FHIT: variants seen among roughly 807,000 people sequenced by gnomAD.
FHIT encodes the protein bis(5'-adenosyl)-triphosphatase.
A neutral mutation model predicts 17.9 loss-of-function variants in FHIT; 19 were observed. The observed-to-expected ratio is 1.06, with a 90% confidence interval of 0.74 to 1.56. The LOEUF (loss-of-function observed/expected upper bound fraction) is 1.56, where lower values mean the gene tolerates loss of function less well. Ranked by LOEUF, FHIT falls within the 40% of genes most tolerant of loss-of-function variation. The pLI, the probability that FHIT is intolerant of heterozygous loss-of-function variation, is 0.00. For missense variants in FHIT, 248 were observed against 189.2 expected, an observed-to-expected ratio of 1.31 and a Z score of -1.82; for synonymous variants, 81 against 69.7, an observed-to-expected ratio of 1.16 and a Z score of -0.81.
chr3:60,142,282 T>G (rs1700069968), intron 5 of FHIT, among the ~76,000 whole-genome samples: 1 of 152,158 alleles, frequency 6.6e-6, no homozygotes, highest in South Asian at 2.1e-4. Context: ...CTCATAAGGT[T>G]GCTGTGGGAA....
intron 5 of FHIT, among the ~76,000 whole-genome samples, chr3:60,379,351 T>C (rs1387037150): frequency 1.3e-5 from 2 of 152,088 alleles, no homozygotes; most frequent in Non-Finnish European, 2.9e-5. Context: ...CCCCAAAATA[T>C]TGCTTTCAGT....
At chr3:59,852,010 C>T (rs778597412) in intron 8 of FHIT, among the ~76,000 whole-genome samples, 1 of 152,162 alleles carries the variant, frequency 6.6e-6, no homozygotes, top group Non-Finnish European at 1.5e-5. Context: ...ATAAGATTCA[C>T]CCAGTCGGGG....
chr3:60,446,532 C>T (rs1332753404), intron 5 of FHIT, among the ~76,000 whole-genome samples: 4 of 152,034 alleles, frequency 2.6e-5, no homozygotes, highest in African/African-American at 7.2e-5. Context: ...CGTGGATGTG[C>T]AACTCTACTT....
intron 5 of FHIT, among the ~76,000 whole-genome samples, chr3:60,308,081 A>C (rs1274745291): frequency 6.6e-6 from 1 of 152,186 alleles, no homozygotes; most frequent in African/African-American, 2.4e-5. Flanking sequence ...ATCGTGCTGC[A>C]CAGCAGCAAT....
chr3:60,852,280 T>A (rs2106917677), intron 3 of FHIT, among the ~76,000 whole-genome samples: 1 of 152,218 alleles, frequency 6.6e-6, no homozygotes, highest in Non-Finnish European at 1.5e-5. Context: ...GGACAGAAAC[T>A]ACACCATTGG....
At chr3:60,768,804 T>C (rs1353002717) in intron 4 of FHIT, among the ~76,000 whole-genome samples, 1 of 152,196 alleles carries the variant, frequency 6.6e-6, no homozygotes, top group Non-Finnish European at 1.5e-5. Context: ...ATTCTCTGTA[T>C]AGAGGAAAAT....
intron 5 of FHIT, among the ~76,000 whole-genome samples, chr3:60,146,673 G>T (rs777207364): frequency 6.6e-6 from 1 of 152,140 alleles, no homozygotes; most frequent in African/African-American, 2.4e-5. Flanking sequence ...CTGAAATGGG[G>T]TAAGTGTAGC....
At chr3:61,220,151 A>G (rs1426128449) in intron 1 of FHIT, among the ~76,000 whole-genome samples, 1 of 152,218 alleles carries the variant, frequency 6.6e-6, no homozygotes, top group African/African-American at 2.4e-5. Context: ...CCTCGTTTTC[A>G]TTTTTATGCT....
chr3:60,129,382 A>G (rs1287718295), intron 5 of FHIT, among the ~76,000 whole-genome samples: 1 of 152,050 alleles, frequency 6.6e-6, no homozygotes, highest in Non-Finnish European at 1.5e-5. Context: ...TTACATTTCT[A>G]CATCTGCTTC....
chr3:60,910,288 C>G lies in FHIT; in HGVS notation c.-110-88277G>C, dbSNP rs1048565786. Among the ~76,000 whole-genome samples the G allele has an allele frequency of 5.3e-5, 8 of 152,186 alleles. No homozygotes were observed. In the South Asian group the frequency reaches 8.3e-4, roughly 16 times the overall value. On this transcript the variant is annotated intron_variant, in intron 3 of 9. Transcript: ENST00000492590. ...CTTAGAGATATTTCTTCCCCCACCA[C>G]AAAGACTGTGACTGAAGAAAAGATG...
chr3:59,758,960 G>A (rs996278472), intron 8 of FHIT, among the ~76,000 whole-genome samples: 1 of 151,974 alleles, frequency 6.6e-6, no homozygotes, highest in African/African-American at 2.4e-5. Context: ...ATGCATGGGA[G>A]TCAAAATAAT....
At chr3:60,698,869 GA>G (rs1445361748) in intron 4 of FHIT, among the ~76,000 whole-genome samples, 2 of 152,024 alleles carry the variant, frequency 1.3e-5, no homozygotes, top group Non-Finnish European at 2.9e-5. Context: ...AAAAAATACA[GA>G]AATATAAAAA....
intron 4 of FHIT, among the ~76,000 whole-genome samples, chr3:60,701,065 A>C (rs2041233747): frequency 2.0e-5 from 3 of 151,310 alleles, no homozygotes; most frequent in Non-Finnish European, 2.9e-5. Context: ...TGAAAAGCCA[A>C]TTTTCATAGC....
chr3:60,861,155 A>AT lies in FHIT; in HGVS notation c.-110-39145_-110-39144insA, dbSNP rs1435631257. ...TGATATATGTATATATGATCTATAT[A>AT]CATATATATCATATGTTCTATGATA... On this transcript the variant is annotated intron_variant, in intron 3 of 9. Transcript: ENST00000492590. Among the ~76,000 whole-genome samples, 11 of 9,088 alleles carry AT rather than the reference A, an allele frequency of 1.2e-3. 1 individual carries two copies. The highest frequency in any genetic ancestry group is 4.6e-3 in the African/African-American group (11 of 2,390). 6.0% of individuals were successfully genotyped at this position (9,088 alleles called of 152,430 possible). A position where few individuals can be genotyped will look rare whatever the true frequency, so the allele number is the denominator to read the frequency against.
At chr3:61,121,988 C>T (rs1367417782) in intron 2 of FHIT, among the ~76,000 whole-genome samples, 3 of 152,088 alleles carry the variant, frequency 2.0e-5, no homozygotes, top group Admixed American at 6.6e-5. Context: ...CAAAGAAGGG[C>T]ATTACATAAT....
intron 3 of FHIT, among the ~76,000 whole-genome samples, chr3:60,975,238 C>T (rs2107538530): frequency 6.6e-6 from 1 of 152,152 alleles, no homozygotes; most frequent in Admixed American, 6.5e-5. Context: ...CTTTATGCAC[C>T]TAATTTCTGA....
At chr3:59,963,488 G>C (rs1163226829) in intron 7 of FHIT, among the ~76,000 whole-genome samples, 1 of 151,990 alleles carries the variant, frequency 6.6e-6, no homozygotes, top group Non-Finnish European at 1.5e-5. Context: ...GAGAGAGAGA[G>C]AGACAGAAAG....
Position 60,841,873 on chromosome 3 carries a change from T to A in FHIT, c.-110-19862A>T, listed in dbSNP as rs183717045. On this transcript the variant is annotated intron_variant, in intron 3 of 9. Coordinates refer to ENST00000492590, the MANE Select transcript of FHIT (RefSeq NM_002012.4). ...AAGGCTACTAAATATTAAAAAAAAA[T>A]TTCTGATATTTCCATACATGAAGAT... Among the ~76,000 whole-genome samples the A allele has an allele frequency of 3.4e-3, 517 of 152,214 alleles. 1 individual carries two copies. The highest frequency in any genetic ancestry group is 0.011 in the African/African-American group (472 of 41,530).
chr3:61,000,731 T>A (rs1249763398), intron 3 of FHIT, among the ~76,000 whole-genome samples: 3 of 152,136 alleles, frequency 2.0e-5, no homozygotes, highest in Admixed American at 2.0e-4. Context: ...CAATATACCC[T>A]ATGCCGGGTT....
Sources: gnomAD v4.1 joint callset for allele counts (sites outside exome capture counted in the v4.1 genomes callset) on GRCh38, gnomAD v4.1.1 for gene constraint, MANE v1.5 for transcripts, NCBI Gene and HGNC (gene_info 2026-07-23, HGNC 2026-07-21) for gene names.